POR: variants seen among roughly 807,000 people sequenced by gnomAD.
POR encodes NADPH--cytochrome P450 reductase.
Under a neutral mutation model 84.0 loss-of-function variants are expected in POR, and 56 were observed. That is an observed-to-expected ratio of 0.67 (90% CI 0.54 to 0.83). The LOEUF is 0.83. Among genes scored for constraint, POR ranks in the 40% least tolerant of loss-of-function variants. The pLI is 0.00. For synonymous variants in POR, 414 were observed against 400.5 expected, an observed-to-expected ratio of 1.03 and a Z score of -0.40; for missense variants, 938 against 944.3, an observed-to-expected ratio of 0.99 and a Z score of 0.09.
At chr7:75,963,173 G>A (rs1438553286) in intron 2 of POR, among the ~76,000 whole-genome samples, 1 of 152,104 alleles carries the variant, frequency 6.6e-6, no homozygotes, top group Non-Finnish European at 1.5e-5. Flanking sequence ...TCCAGTTCAG[G>A]GTCACTTTCT....
chr7:75,982,258 A>G lies in POR; in HGVS notation c.766A>G (p.Ile256Val), dbSNP rs1554558178. 2 of 1,612,894 alleles carry G rather than the reference A, an allele frequency of 1.2e-6. No homozygotes were observed. The highest frequency in any genetic ancestry group is 1.3e-5 in the African/African-American group (1 of 75,040). ...GTACGAGCTTGTGGTCCACACCGAC[A>G]TAGATGCGGCCAAGGTGTACATGGG... The change falls in exon 8 of 16, where the codon ATA becomes GTA. Residue 256 changes from isoleucine (I) to valine (V), a missense_variant. Physicochemically the swap from Ile to Val is conservative, Grantham distance 29. Transcript: ENST00000461988.
At position 75,963,000 on chromosome 7, in the gene POR, G is replaced by C. The variant is rs1788009886; in HGVS notation, c.188+8820G>C. 2.0e-5 allele frequency among the ~76,000 whole-genome samples: 3 copies of C among 152,116 alleles called. No individual in the cohort carries two copies. The South Asian group carries it at 6.2e-4, about 31-fold the overall frequency. On this transcript the variant is annotated intron_variant, in intron 2 of 15. Coordinates refer to ENST00000461988, the MANE Select transcript of POR (RefSeq NM_000941.3). ...TTACGTCCCCCTGGAGATTGCTTTT[G>C]AAAAGCCACAAAAGATCTCATTTTC...
intron 3 of POR, among the ~76,000 whole-genome samples, chr7:75,977,864 A>G (rs1788768814): frequency 6.6e-6 from 1 of 152,242 alleles, no homozygotes; most frequent in Non-Finnish European, 1.5e-5. Flanking sequence ...TCACATGTGC[A>G]TGAGGGGCCA....
chr7:75,961,183 A>G (rs1787920233), intron 2 of POR, among the ~76,000 whole-genome samples: 1 of 151,672 alleles, frequency 6.6e-6, no homozygotes, highest in Non-Finnish European at 1.5e-5. Flanking sequence ...CAGTGAGCTG[A>G]GATCACGCTA....
chr7:75,977,973 A>G (rs1554557087), intron 3 of POR, among the ~76,000 whole-genome samples: 1 of 152,132 alleles, frequency 6.6e-6, no homozygotes, highest in African/African-American at 2.4e-5. Context: ...GGCTCTGGGG[A>G]ATAGGATTTC....
intron 10 of POR, 71 bp from the exon 11 acceptor site, chr7:75,984,706 C>T (rs1198826600): frequency 5.7e-6 from 8 of 1,396,686 alleles, no homozygotes; most frequent in South Asian, 1.2e-5. Flanking sequence ...GGTGTCACCC[C>T]CTCCTGCCGC....
At chr7:75,922,720 G>A in intron 1 of POR, 1 of 354,866 alleles carries the variant, frequency 2.8e-6, no homozygotes, top group African/African-American at 2.2e-5. Context: ...TCAGTGGTGG[G>A]GTTGCGCATG....
intron 12 of POR, 177 bp downstream of exon 12, chr7:75,985,384 T>G (rs1789372796): frequency 2.6e-6 from 3 of 1,132,948 alleles, no homozygotes; most frequent in Non-Finnish European, 3.6e-6. Flanking sequence ...GCTTGTGAGA[T>G]TCTCAGCATC....
At chr7:75,949,498 TTTGTTGTTG>T (rs1261115064) in intron 1 of POR, among the ~76,000 whole-genome samples, 4 of 149,028 alleles carry the variant, frequency 2.7e-5, no homozygotes, top group South Asian at 2.1e-4. Flanking sequence ...CATCTCAGGG[TTTGTTGTTG>T]TTGTTGTTGT....
At chr7:75,974,609 C>T (rs1445752702) in intron 3 of POR, among the ~76,000 whole-genome samples, 4 of 140,656 alleles carry the variant, frequency 2.8e-5, no homozygotes, top group Non-Finnish European at 6.0e-5. Context: ...TCACTGCAAT[C>T]TCCACCTCCC....
At position 75,982,284 on chromosome 7, in the gene POR, G is replaced by A; in HGVS notation, c.792G>A (p.Gly264=). ...TAGATGCGGCCAAGGTGTACATGGG[G>A]GAGATGGGCCGGCTGAAGAGCTACG... The change falls in exon 8 of 16, where the codon GGG becomes GGA. Residue 264 remains glycine, a synonymous_variant. Transcript: ENST00000461988. 1.2e-6 allele frequency: 2 copies of A among 1,612,902 alleles called. No individual in the cohort carries two copies. Among genetic ancestry groups the A allele is most frequent in the Non-Finnish European group, 1.7e-6 (2 of 1,179,560 alleles).
intron 5 of POR, 111 bp downstream of exon 5, chr7:75,980,599 G>C (rs781784779): frequency 6.2e-7 from 1 of 1,602,956 alleles, no homozygotes; most frequent in Non-Finnish European, 8.5e-7. Context: ...CCTGTCCTCA[G>C]CAGCCAGGGC....
intron 1 of POR, among the ~76,000 whole-genome samples, chr7:75,923,725 T>C (rs1402803491): frequency 2.0e-5 from 3 of 151,792 alleles, no homozygotes; most frequent in Non-Finnish European, 2.9e-5. Flanking sequence ...CCGTCTCTAC[T>C]AAAAATACAA....
At chr7:75,958,551 C>T (rs1007707146) in intron 2 of POR, among the ~76,000 whole-genome samples, 2 of 152,196 alleles carry the variant, frequency 1.3e-5, no homozygotes, top group South Asian at 4.1e-4. Flanking sequence ...CCCAAGGCCA[C>T]CTAACTTCTA....
At chr7:75,929,059 A>G (rs1397248528) in intron 1 of POR, among the ~76,000 whole-genome samples, 2 of 152,148 alleles carry the variant, frequency 1.3e-5, no homozygotes, top group African/African-American at 2.4e-5. Context: ...TGTATGGGCA[A>G]TCTTGTAAAT....
intron 1 of POR, among the ~76,000 whole-genome samples, chr7:75,926,102 A>C (rs1248932107): frequency 6.8e-6 from 1 of 147,692 alleles, no homozygotes; most frequent in Non-Finnish European, 1.5e-5. Flanking sequence ...CTGCAGTCTC[A>C]AACTCCTTAA....
intron 2 of POR, among the ~76,000 whole-genome samples, chr7:75,967,089 C>G (rs1426342926): frequency 4.6e-5 from 7 of 152,204 alleles, no homozygotes; most frequent in Non-Finnish European, 8.8e-5. Context: ...ATCCTCCTAC[C>G]TCAGCCTCCC....
chr7:75,964,451 GC>G (rs1788086551), intron 2 of POR, among the ~76,000 whole-genome samples: 1 of 152,088 alleles, frequency 6.6e-6, no homozygotes, highest in South Asian at 2.1e-4. Context: ...GGGATTACAG[GC>G]GCCTGCCACC....
intron 1 of POR, among the ~76,000 whole-genome samples, chr7:75,921,823 C>T (rs1406126216): frequency 6.6e-6 from 1 of 152,074 alleles, no homozygotes; most frequent in African/African-American, 2.4e-5. Flanking sequence ...TCTCCTGCCT[C>T]AGCCTCCCGA....
Sources: gnomAD v4.1 joint callset for allele counts (sites outside exome capture counted in the v4.1 genomes callset) on GRCh38, gnomAD v4.1.1 for gene constraint, MANE v1.5 for transcripts, NCBI Gene and HGNC (gene_info 2026-07-23, HGNC 2026-07-21) for gene names.